Variants in SLC12A5 observed in about 807,000 individuals in gnomAD.
The protein encoded by SLC12A5 is K-Cl cotransporter 2.
Under a neutral mutation model 124.0 loss-of-function variants are expected in SLC12A5, and 18 were observed. That is an observed-to-expected ratio of 0.15 (90% confidence interval 0.10 to 0.22). The LOEUF is 0.22. Ranked by LOEUF, SLC12A5 falls within the 10% of genes least tolerant of loss-of-function variation. The pLI is 1.00. For synonymous variants in SLC12A5, 589 were observed against 568.0 expected, an observed-to-expected ratio of 1.04 and a Z score of -0.53; for missense variants, 867 against 1,478.7, an observed-to-expected ratio of 0.59 and a Z score of 6.78.
exon 2 of SLC12A5, chr20:46,023,004 A>AGAGGAG: frequency 2.8e-6 from 1 of 357,560 alleles, no homozygotes; most frequent in Non-Finnish European, 4.7e-6. Context: ...AGGAGGAGGA[A>AGAGGAG]GAGGAGGAGG....
At chr20:46,040,296 C>CT (rs2084533927) in intron 6 of SLC12A5, 77 bp from the exon 7 acceptor site, 4 of 1,577,430 alleles carry the variant, frequency 2.5e-6, no homozygotes, top group Admixed American at 1.7e-5. Flanking sequence ...TGATGAGCAT[C>CT]TTTTTTCCTA....
chr20:46,024,587 G>C (rs1439000765), upstream of SLC12A5, among the ~76,000 whole-genome samples: 2 of 152,228 alleles, frequency 1.3e-5, no homozygotes, highest in Non-Finnish European at 2.9e-5. Flanking sequence ...GGGAAAGGTT[G>C]GGGGAGATGG....
chr20:46,043,366 A>G lies in SLC12A5; in HGVS notation c.1237+43A>G, dbSNP rs779904949. 3.1e-6 allele frequency: 5 copies of G among 1,597,168 alleles called. No individual in the cohort carries two copies. The Admixed American group carries it at 8.5e-5, about 27-fold the overall frequency. On this transcript the variant is annotated intron_variant, in intron 9 of 25. Transcript: ENST00000243964. ...GAGGGAAGACTCTGCCTGTGAGTGG[A>G]TGGGGAAGAGAGAGTCGATGATGAT...
At chr20:46,037,520 G>A in intron 6 of SLC12A5, 135 bp downstream of exon 6, 1 of 994,650 alleles carries the variant, frequency 1.0e-6, no homozygotes, top group South Asian at 2.3e-5. Flanking sequence ...GTCAGATGTG[G>A]TTCTGTTTCT....
intron 6 of SLC12A5, 58 bp downstream of exon 6, chr20:46,037,443 C>A: frequency 6.5e-7 from 1 of 1,534,618 alleles, no homozygotes; most frequent in Non-Finnish European, 8.8e-7. Flanking sequence ...TTAATCAGTG[C>A]TCCCTGGACA....
At chr20:46,025,253 A>G (rs112319382), upstream of SLC12A5, among the ~76,000 whole-genome samples, 1,207 of 152,216 alleles carry the variant, frequency 7.9e-3, 14 homozygotes, top group African/African-American at 0.028. Context: ...CCATCTGTAA[A>G]TTGGGAAGAA....
chr20:46,027,071 T>G (rs1171775292), upstream of SLC12A5, among the ~76,000 whole-genome samples: 1 of 152,252 alleles, frequency 6.6e-6, no homozygotes, highest in Non-Finnish European at 1.5e-5. Context: ...CTGTTATGCA[T>G]CTCTGCAGAG....
chr20:46,038,760 T>C (rs768396043), intron 6 of SLC12A5, among the ~76,000 whole-genome samples: 3 of 152,200 alleles, frequency 2.0e-5, no homozygotes, highest in Non-Finnish European at 4.4e-5. Flanking sequence ...AAAAATCAAA[T>C]ATTCACCAAA....
Position 46,056,770 on chromosome 20 carries a change from G to T in SLC12A5, c.3111-127G>T. The T allele has an allele frequency of 1.6e-6, 2 of 1,217,820 alleles. No homozygotes were observed. Among genetic ancestry groups the T allele is most frequent in the Non-Finnish European group, 2.4e-6 (2 of 831,596 alleles). The allele number at this position is 1,217,820 out of a possible 1,614,324, so 75.4% of individuals were successfully genotyped here. On this transcript the variant is annotated intron_variant, in intron 23 of 25. Coordinates refer to ENST00000243964, the MANE Select transcript of SLC12A5 (RefSeq NM_020708.5). The surrounding 1 kb of genome is among the most constrained non-coding windows in gnomAD (Gnocchi z 4.3). ...TCCCAGTTGCAGGCAGCGGAAAGGT[G>T]AAGGGTGTGGGGGCTGGCAGAGCAG...
rs1568869789 is a variant in SLC12A5 at position 46,057,215 on chromosome 20, C to T, written c.3171C>T (p.Asn1057=). 16 of 1,614,202 alleles carry T rather than the reference C, an allele frequency of 9.9e-6. No individual in the cohort carries two copies. The highest frequency in any genetic ancestry group is 1.4e-5 in the Non-Finnish European group (16 of 1,180,040). ...GCATGCACACGGCCGTGCGGCTGAA[C>T]GAGGTCATCGTGAAGAAATCCCGGG... is the stretch of plus-strand genomic sequence containing the variant. ...VRRMHTAVRL[N]EVIVKKSRDA... The change falls in exon 25 of 26, where the codon AAC becomes AAT. Residue 1057 remains asparagine (N), a synonymous_variant. Coordinates refer to ENST00000243964, the MANE Select transcript of SLC12A5 (RefSeq NM_020708.5). The surrounding 1 kb of genome is among the most constrained non-coding windows in gnomAD (Gnocchi z 7.1).
In SLC12A5 at chr20:46,053,207, G is replaced by C; in HGVS notation, c.2547+81G>C. On this transcript the variant is annotated intron_variant, in intron 19 of 25. Transcript: ENST00000243964. This position sits in a 1 kb window ranked among gnomAD's most constrained non-coding sequence, Gnocchi z 4.7. ...TTGTGTGCATATGTGCACAACTGCA[G>C]GTCAGACTCAGGGGCTCTGGCCAGG... is the stretch of plus-strand genomic sequence containing the variant. 1 of 1,465,450 alleles carries C rather than the reference G, an allele frequency of 6.8e-7. No individual in the cohort carries two copies. Among genetic ancestry groups the C allele is most frequent in the Admixed American group, 2.0e-5 (1 of 50,764 alleles). The allele number at this position is 1,465,450 out of a possible 1,614,324, so 90.8% of individuals were successfully genotyped here. A position where few individuals can be genotyped will look rare whatever the true frequency, so the allele number is the denominator to read the frequency against.
chr20:46,044,050 G>C, intron 11 of SLC12A5, 117 bp downstream of exon 11: 1 of 913,126 alleles, frequency 1.1e-6, no homozygotes, highest in Non-Finnish European at 1.6e-6. Flanking sequence ...GTGGGAGGGA[G>C]GCCACGGGGA....
chr20:46,038,095 T>A (rs973065558), intron 6 of SLC12A5: 2 of 152,256 alleles, frequency 1.3e-5, no homozygotes, highest in Admixed American at 1.3e-4. Flanking sequence ...AGAGCTGACA[T>A]GTCCCAAGCC....
chr20:46,040,287 G>A (rs976779158), intron 6 of SLC12A5, 86 bp from the exon 7 acceptor site: 20 of 1,564,212 alleles, frequency 1.3e-5, no homozygotes, highest in African/African-American at 2.7e-5. Flanking sequence ...ACTGTGCTGT[G>A]ATGAGCATCT....
chr20:46,035,312 C>A lies in SLC12A5; in HGVS notation c.148-92C>A. The A allele has an allele frequency of 2.7e-6, 4 of 1,488,700 alleles. No individual in the cohort carries two copies. The South Asian group carries it at 3.8e-5, about 14-fold the overall frequency. The allele number at this position is 1,488,700 out of a possible 1,614,324, so 92.2% of individuals were successfully genotyped here. On this transcript the variant is annotated intron_variant, in intron 2 of 25. Coordinates refer to ENST00000243964, the MANE Select transcript of SLC12A5 (RefSeq NM_020708.5). ...TCATCCCAACCTGAATAGTTTCGTG[C>A]TCCTTGTCCCCATCTCTTCCTCTGC...
intron 1 of SLC12A5, among the ~76,000 whole-genome samples, chr20:46,032,893 G>A (rs151195025): frequency 5.3e-5 from 8 of 152,334 alleles, no homozygotes; most frequent in Admixed American, 5.2e-4. Flanking sequence ...CCAGAAGGGA[G>A]CCCTGGAGAA....
In SLC12A5 at chr20:46,058,913, G is replaced by A; in HGVS notation, c.*1308G>A. 2 of 395,872 alleles carry A rather than the reference G, an allele frequency of 5.1e-6. No homozygotes were observed. The highest frequency in any genetic ancestry group is 4.4e-5 in the Admixed American group (1 of 22,656). 24.5% of individuals were successfully genotyped at this position (395,872 alleles called of 1,614,324 possible). A position where few individuals can be genotyped will look rare whatever the true frequency, so the allele number is the denominator to read the frequency against. On this transcript the variant is annotated 3_prime_UTR_variant, in exon 26 of 26. Transcript: ENST00000243964. The surrounding 1 kb of genome is among the most constrained non-coding windows in gnomAD (Gnocchi z 5.8). ...CTGCTTAGCAGCGGCCTCTAGCTCC[G>A]TCTCCCGGGGACCTGGGCCTGAGGG...
chr20:46,044,193 G>A (rs1432611202), intron 11 of SLC12A5, among the ~76,000 whole-genome samples: 1 of 152,178 alleles, frequency 6.6e-6, no homozygotes, highest in Non-Finnish European at 1.5e-5. Context: ...TCAATAGTGT[G>A]TCTAACATTT....
At chr20:46,037,815 C>T (rs2084511793) in intron 6 of SLC12A5, among the ~76,000 whole-genome samples, 1 of 152,212 alleles carries the variant, frequency 6.6e-6, no homozygotes, top group South Asian at 2.1e-4. Context: ...TATGCAGCAG[C>T]TACCATTGTG....
Sources: allele counts gnomAD v4.1 joint callset (sites outside exome capture counted in the v4.1 genomes callset), GRCh38; gene constraint gnomAD v4.1.1; non-coding constraint Gnocchi (gnomAD v3.1); transcripts MANE v1.5; gene names NCBI Gene and HGNC (gene_info 2026-07-23, HGNC 2026-07-21).